Variants in NMNAT3 observed in about 807,000 individuals in gnomAD.
NMNAT3 encodes nicotinamide/nicotinic acid mononucleotide adenylyltransferase 3.
A neutral mutation model predicts 24.8 loss-of-function variants in NMNAT3; 21 were observed. The observed-to-expected ratio is 0.85, with a 90% CI of 0.60 to 1.22. The LOEUF (loss-of-function observed/expected upper bound fraction) is 1.22, where lower values mean the gene tolerates loss of function less well. NMNAT3 is among the 50% of genes most tolerant of loss of function. The pLI, the probability that NMNAT3 is intolerant of heterozygous loss-of-function variation, is 0.00. For missense variants in NMNAT3, 387 were observed against 436.6 expected (o/e 0.89, Z 1.01); for synonymous variants, 136 against 155.2 (o/e 0.88, Z 0.92).
intron 1 of NMNAT3, among the ~76,000 whole-genome samples, chr3:139,648,812 A>G (rs1333141101): frequency 1.3e-5 from 2 of 152,370 alleles, no homozygotes; most frequent in East Asian, 1.9e-4. Flanking sequence ...ACGTACTTCT[A>G]CATATACCGA....
At chr3:139,599,276 G>A (rs2054606007) in intron 3 of NMNAT3, 1 of 701,464 alleles carries the variant, frequency 1.4e-6, no homozygotes, top group African/African-American at 1.7e-5. Flanking sequence ...AGCACAGAAT[G>A]ATTACTAATT....
intron 2 of NMNAT3, among the ~76,000 whole-genome samples, chr3:139,631,084 GAGA>G (rs1377056120): frequency 6.6e-6 from 1 of 152,174 alleles, no homozygotes; most frequent in Non-Finnish European, 1.5e-5. Flanking sequence ...GTGTGATGCT[GAGA>G]AGGAGAATAA....
At chr3:139,633,513 C>A (rs754897921) in intron 2 of NMNAT3, among the ~76,000 whole-genome samples, 11 of 152,176 alleles carry the variant, frequency 7.2e-5, no homozygotes, top group Non-Finnish European at 1.5e-4. Context: ...ACATTAGTTT[C>A]CTATGGCTGC....
At chr3:139,676,950 A>G (rs2057948363) in intron 1 of NMNAT3, among the ~76,000 whole-genome samples, 1 of 152,158 alleles carries the variant, frequency 6.6e-6, no homozygotes, top group Admixed American at 6.5e-5. Context: ...TACATTCACC[A>G]TTTCCATTCT....
At chr3:139,569,486 G>T (rs1383636000) in intron 6 of NMNAT3, 2 of 152,170 alleles carry the variant, frequency 1.3e-5, no homozygotes, top group East Asian at 1.9e-4. Flanking sequence ...GGTACCAGTT[G>T]TTCCTTTCCA....
chr3:139,624,311 A>G (rs1224516138), intron 3 of NMNAT3, among the ~76,000 whole-genome samples: 1 of 152,098 alleles, frequency 6.6e-6, no homozygotes, highest in Non-Finnish European at 1.5e-5. Context: ...TCTGTGACCC[A>G]TGAGTTTTTC....
At chr3:139,625,706 C>A (rs984165101) in intron 3 of NMNAT3, among the ~76,000 whole-genome samples, 1 of 152,100 alleles carries the variant, frequency 6.6e-6, no homozygotes, top group African/African-American at 2.4e-5. Context: ...AATAAGAAAT[C>A]TTATATAATT....
chr3:139,585,283 C>T (rs1419703480), intron 3 of NMNAT3, among the ~76,000 whole-genome samples: 2 of 152,306 alleles, frequency 1.3e-5, no homozygotes, highest in East Asian at 3.9e-4. Flanking sequence ...TTGGTGTGCA[C>T]ACATTTAATG....
chr3:139,631,680 G>T (rs2056304553), intron 2 of NMNAT3, among the ~76,000 whole-genome samples: 1 of 151,404 alleles, frequency 6.6e-6, no homozygotes, highest in Non-Finnish European at 1.5e-5. Context: ...CCACTCCATA[G>T]TCATCTAGAC....
rs1329250161 is a variant in NMNAT3 at position 139,584,498 on chromosome 3, C to T, written c.110-1290G>A. 9 of 152,348 alleles carry T rather than the reference C, an allele frequency of 5.9e-5. No individual in the cohort carries two copies. The East Asian group carries it at 1.7e-3, about 29-fold the overall frequency. The allele number at this position is 152,348 out of a possible 1,614,324, so 9.4% of individuals were successfully genotyped here. A position where few individuals can be genotyped will look rare whatever the true frequency, so the allele number is the denominator to read the frequency against. Reference sequence around the variant, plus strand: ...TATAAAATTGCCCTCTAAACAATCCCACAAATTTTGATATGTAGTGTTTTC... The same window carrying T: ...TATAAAATTGCCCTCTAAACAATCCTACAAATTTTGATATGTAGTGTTTTC... On this transcript the variant is annotated intron_variant, in intron 3 of 6. Coordinates refer to ENST00000643695, the MANE Select transcript of NMNAT3 (RefSeq NM_001320510.2).
chr3:139,573,404 G>C (rs1418006803), intron 6 of NMNAT3, among the ~76,000 whole-genome samples, 194 bp downstream of exon 6: 1 of 152,112 alleles, frequency 6.6e-6, no homozygotes, highest in African/African-American at 2.4e-5. Flanking sequence ...CAATTTACAG[G>C]GGGTGGTGGC....
intron 2 of NMNAT3, among the ~76,000 whole-genome samples, chr3:139,633,261 G>A (rs7613163): frequency 0.26 from 38,968 of 151,370 alleles, 5,886 homozygotes; most frequent in East Asian, 0.48. Flanking sequence ...ACTCACCGCA[G>A]CCTCTGCCTC....
chr3:139,596,794 G>GCTGCTGC (rs1026189018), intron 3 of NMNAT3, among the ~76,000 whole-genome samples: 1 of 151,504 alleles, frequency 6.6e-6, no homozygotes, highest in Admixed American at 6.6e-5. Flanking sequence ...AGCAGGCCGA[G>GCTGCTGC]CTGCTGCCTG....
At chr3:139,672,111 T>C (rs16849275) in intron 1 of NMNAT3, among the ~76,000 whole-genome samples, 5,496 of 152,246 alleles carry the variant, frequency 0.036, 146 homozygotes, top group South Asian at 0.057. Context: ...TCAGCCTTGC[T>C]CCGTACTCTC....
intron 2 of NMNAT3, among the ~76,000 whole-genome samples, chr3:139,631,297 G>A (rs1054976108): frequency 6.6e-6 from 1 of 152,046 alleles, no homozygotes; most frequent in Non-Finnish European, 1.5e-5. Flanking sequence ...ACCCTCCCAA[G>A]CCAAACCCAG....
chr3:139,603,154 C>A (rs952945571), intron 3 of NMNAT3, among the ~76,000 whole-genome samples: 1 of 152,164 alleles, frequency 6.6e-6, no homozygotes, highest in Non-Finnish European at 1.5e-5. Flanking sequence ...GTGAAACAGA[C>A]TTTTACTGCA....
chr3:139,578,603 C>T (rs1260306827), intron 5 of NMNAT3, among the ~76,000 whole-genome samples: 1 of 152,168 alleles, frequency 6.6e-6, no homozygotes, highest in Non-Finnish European at 1.5e-5. Context: ...GCACTAGACC[C>T]CAGTGCTACC....
At chr3:139,662,507 A>G (rs1483473245) in intron 1 of NMNAT3, among the ~76,000 whole-genome samples, 1 of 152,142 alleles carries the variant, frequency 6.6e-6, no homozygotes, top group African/African-American at 2.4e-5. Context: ...TAAGGCCATG[A>G]GGGTAGGCAG....
chr3:139,584,480 T>C (rs529876849), intron 3 of NMNAT3: 4 of 152,476 alleles, frequency 2.6e-5, no homozygotes, highest in South Asian at 2.1e-4. Flanking sequence ...GGCTATAAAA[T>C]TGCCCTCTAA....
Sources: gnomAD v4.1 joint callset for allele counts (sites outside exome capture counted in the v4.1 genomes callset) on GRCh38, gnomAD v4.1.1 for gene constraint, MANE v1.5 for transcripts, NCBI Gene and HGNC (gene_info 2026-07-23, HGNC 2026-07-21) for gene names.